Variants in KCNK10 observed in about 807,000 individuals in gnomAD.
KCNK10 encodes potassium channel subfamily K member 10.
In KCNK10, 25 loss-of-function variants were observed where a neutral mutation model predicts 47.7. The ratio of observed to expected loss-of-function variants is 0.52; its 90% CI spans 0.38 to 0.73. The LOEUF is 0.73. Ranked by LOEUF, KCNK10 falls within the 30% of genes least tolerant of loss-of-function variation. KCNK10 has a pLI of 0.00. For synonymous variants in KCNK10, 303 were observed against 285.6 expected (o/e 1.06, Z -0.61); for missense variants, 563 against 714.5 (o/e 0.79, Z 2.42).
At chr14:88,272,237 T>A (rs1444969081) in intron 1 of KCNK10, among the ~76,000 whole-genome samples, 3 of 152,166 alleles carry the variant, frequency 2.0e-5, no homozygotes, top group Non-Finnish European at 4.4e-5. Flanking sequence ...AAGTCCTCAA[T>A]CAACGTGAGC....
chr14:88,259,216 C>T (rs772873200), intron 2 of KCNK10, among the ~76,000 whole-genome samples: 1 of 152,212 alleles, frequency 6.6e-6, no homozygotes, highest in Non-Finnish European at 1.5e-5. Context: ...TGGACACTTT[C>T]ATCCTTGTGA....
chr14:88,216,898 T>C (rs1885638511), intron 4 of KCNK10, among the ~76,000 whole-genome samples: 1 of 152,236 alleles, frequency 6.6e-6, no homozygotes. Context: ...GGCTCATGCC[T>C]GTAATCCCGG....
chr14:88,270,962 A>C (rs1040530683), intron 1 of KCNK10: 8 of 657,108 alleles, frequency 1.2e-5, no homozygotes, highest in Admixed American at 6.7e-5. Context: ...CACAGGCCTC[A>C]CCCACTGCCA....
rs76661309 is a variant in KCNK10, at chr14:88,260,842, G to A, written c.402+2360C>T. On this transcript the variant is annotated intron_variant, in intron 2 of 6. Transcript: ENST00000319231. This position sits in a 1 kb window ranked among gnomAD's most constrained non-coding sequence, Gnocchi z 4.5. ...TATGTGCAAACACATTCACACAAAC[G>A]CACACATACACACACATATCTCATT... Among the ~76,000 whole-genome samples the A allele has an allele frequency of 0.029, 4,382 of 152,060 alleles. 83 individuals are homozygous for A. Among genetic ancestry groups the A allele is most frequent in the Non-Finnish European group, 0.045 (3,062 of 67,980 alleles).
chr14:88,205,403 A>G (rs1255181852), intron 4 of KCNK10, among the ~76,000 whole-genome samples: 2 of 152,048 alleles, frequency 1.3e-5, no homozygotes, highest in Non-Finnish European at 2.9e-5. Context: ...TCACCCTTGC[A>G]TGGTCCCCTG....
intron 2 of KCNK10, among the ~76,000 whole-genome samples, chr14:88,257,780 G>A (rs1388533374): frequency 6.6e-6 from 1 of 152,126 alleles, no homozygotes; most frequent in Non-Finnish European, 1.5e-5. Flanking sequence ...GCCTCACTAG[G>A]GCTCCATTTT....
intron 2 of KCNK10, among the ~76,000 whole-genome samples, chr14:88,254,960 C>T (rs1305620335): frequency 6.6e-6 from 1 of 152,144 alleles, no homozygotes; most frequent in Non-Finnish European, 1.5e-5. Context: ...TCACTCCCCA[C>T]AATCATCCTA....
At chr14:88,312,846 T>G (rs1595134115) in intron 1 of KCNK10, among the ~76,000 whole-genome samples, 1 of 152,246 alleles carries the variant, frequency 6.6e-6, no homozygotes, top group Non-Finnish European at 1.5e-5. Context: ...GGATCTATTA[T>G]GAGACCATAT....
chr14:88,232,160 G>C (rs1186067027), intron 3 of KCNK10, among the ~76,000 whole-genome samples: 3 of 152,136 alleles, frequency 2.0e-5, no homozygotes, highest in African/African-American at 7.2e-5. Context: ...AATAGAAACA[G>C]CTTAAGTTCC....
At chr14:88,297,418 T>A (rs1888007823) in intron 1 of KCNK10, among the ~76,000 whole-genome samples, 1 of 152,232 alleles carries the variant, frequency 6.6e-6, no homozygotes, top group African/African-American at 2.4e-5. Context: ...ACACTATTTT[T>A]AAGTGCAGCA....
chr14:88,245,447 C>T (rs1008219401), intron 2 of KCNK10, among the ~76,000 whole-genome samples: 2 of 152,140 alleles, frequency 1.3e-5, no homozygotes, highest in African/African-American at 4.8e-5. Flanking sequence ...GAGGAGGTAA[C>T]TGGACCCCTC....
Position 88,261,387 on chromosome 14 carries a change from T to C in KCNK10, c.402+1815A>G, listed in dbSNP as rs537101568. On this transcript the variant is annotated intron_variant, in intron 2 of 6. Coordinates refer to ENST00000319231, the MANE Select transcript of KCNK10 (RefSeq NM_138317.3). ...ATTGTTTATTCCATTCTCTATAGCA[T>C]GCTAGGCTTTAAATCTGGCACTGAT... is the stretch of plus-strand genomic sequence containing the variant. Among the ~76,000 whole-genome samples, 388 of 152,360 alleles carry C rather than the reference T, an allele frequency of 2.5e-3. 2 individuals are homozygous for C. The highest frequency in any genetic ancestry group is 8.8e-3 in the African/African-American group (367 of 41,584).
rs914226333 is a variant in KCNK10, at chr14:88,260,708, A to G, written c.402+2494T>C. Among the ~76,000 whole-genome samples the G allele has an allele frequency of 2.0e-5, 3 of 152,222 alleles. No individual in the cohort carries two copies. In the East Asian group the frequency reaches 5.8e-4, roughly 29 times the overall value. ...GTGATATGAACTTAGAGTGTTGTTGATAAGATTAAATGAGATAATGGGTAT... is the reference window on the plus strand; with the variant it reads ...GTGATATGAACTTAGAGTGTTGTTGGTAAGATTAAATGAGATAATGGGTAT... On this transcript the variant is annotated intron_variant, in intron 2 of 6. Transcript: ENST00000319231. This position sits in a 1 kb window ranked among gnomAD's most constrained non-coding sequence, Gnocchi z 4.5.
At position 88,185,177 on chromosome 14, in the gene KCNK10, T is replaced by C. The variant is rs916242307; in HGVS notation, c.*358A>G. On this transcript the variant is annotated 3_prime_UTR_variant, in exon 7 of 7. Coordinates refer to ENST00000319231, the MANE Select transcript of KCNK10 (RefSeq NM_138317.3). This position sits in a 1 kb window ranked among gnomAD's most constrained non-coding sequence, Gnocchi z 4.3. ...CGACTCCACTAAAAAGACACACCTG[T>C]TTCTTTCAGGAGGCTGGTCTAAGGA... The C allele has an allele frequency of 5.7e-5, 13 of 229,190 alleles. No individual in the cohort carries two copies. The highest frequency in any genetic ancestry group is 1.0e-4 in the Non-Finnish European group (12 of 116,108). 14.2% of individuals were successfully genotyped at this position (229,190 alleles called of 1,614,324 possible).
Position 88,186,311 on chromosome 14 carries a change from C to A in KCNK10, c.1012-156G>T, listed in dbSNP as rs915906012. ...GCAAATGCTACCTTCTGCCCTAGTA[C>A]TTCTGCCACCTGGACACCCATCCCT... On this transcript the variant is annotated intron_variant, in intron 6 of 6. Coordinates refer to ENST00000319231, the MANE Select transcript of KCNK10 (RefSeq NM_138317.3). The surrounding 1 kb of genome is among the most constrained non-coding windows in gnomAD (Gnocchi z 5.5). Among the ~76,000 whole-genome samples, 3 of 152,160 alleles carry A rather than the reference C, an allele frequency of 2.0e-5. No homozygotes were observed. Among genetic ancestry groups the A allele is most frequent in the Non-Finnish European group, 4.4e-5 (3 of 68,032 alleles).
intron 1 of KCNK10, among the ~76,000 whole-genome samples, chr14:88,302,761 C>T (rs759088165): frequency 6.6e-6 from 1 of 152,082 alleles, no homozygotes; most frequent in Non-Finnish European, 1.5e-5. Flanking sequence ...AATGATGTCA[C>T]AAAGCATGTG....
intron 3 of KCNK10, among the ~76,000 whole-genome samples, chr14:88,239,736 G>A (rs959395753): frequency 2.6e-5 from 4 of 151,988 alleles, no homozygotes; most frequent in Non-Finnish European, 4.4e-5. Flanking sequence ...GTGGGCGCCT[G>A]TAATCCCAGC....
intron 1 of KCNK10, among the ~76,000 whole-genome samples, chr14:88,317,688 T>G (rs943581415): frequency 6.6e-6 from 1 of 152,242 alleles, no homozygotes; most frequent in Admixed American, 6.5e-5. Flanking sequence ...TTATCCTTTC[T>G]ACATCTTGCT....
upstream of KCNK10, chr14:88,326,689 G>T: frequency 1.8e-6 from 1 of 560,862 alleles, no homozygotes; most frequent in South Asian, 2.2e-5. Flanking sequence ...CTGCTACCGG[G>T]CACGGGTCTC....
Sources: allele counts gnomAD v4.1 joint callset (sites outside exome capture counted in the v4.1 genomes callset), GRCh38; gene constraint gnomAD v4.1.1; non-coding constraint Gnocchi (gnomAD v3.1); transcripts MANE v1.5; gene names NCBI Gene and HGNC (gene_info 2026-07-23, HGNC 2026-07-21).